The following SMC1A variants were observed in gnomAD, a reference collection of about 807,000 sequenced individuals.
The protein encoded by SMC1A is structural maintenance of chromosomes 1A, also known as structural maintenance of chromosomes protein 1A.
In SMC1A, 4 loss-of-function variants were observed where a neutral mutation model predicts 94.5. The ratio of observed to expected loss-of-function variants is 0.04; its 90% CI spans 0.02 to 0.10. The LOEUF is 0.10. Among genes scored for constraint, SMC1A ranks in the 10% least tolerant of loss-of-function variants. The pLI is 1.00. For synonymous variants in SMC1A, 345 were observed against 347.7 expected (o/e 0.99, Z 0.09); for missense variants, 304 against 989.0 (o/e 0.31, Z 9.29).
chrX:53,411,270 C>T (rs1189554059), intron 7 of SMC1A, among the ~76,000 whole-genome samples: 1 of 111,015 alleles, frequency 9.0e-6, no homozygotes, highest in Non-Finnish European at 1.9e-5. Flanking sequence ...CAGATGTGAG[C>T]TACTGTCATT....
In SMC1A at chrX:53,410,691, T is replaced by C. The variant is rs782060769; in HGVS notation, c.1254+1070A>G. On this transcript the variant is annotated intron_variant, in intron 7 of 24. Transcript: ENST00000322213. Reference sequence around the variant, plus strand: ...GGCTGGTGCCTGTAATCTCAGCTACTTGGGGAGGCTGAGGCAGGAGAATTG... The same window carrying C: ...GGCTGGTGCCTGTAATCTCAGCTACCTGGGGAGGCTGAGGCAGGAGAATTG... Among the ~76,000 whole-genome samples the C allele has an allele frequency of 7.5e-5, 8 of 107,109 alleles. No individual in the cohort carries two copies. In the East Asian group the frequency reaches 1.8e-3, roughly 24 times the overall value. 93.0% of individuals were successfully genotyped at this position (107,109 alleles called of 115,157 possible).
At position 53,399,690 on chromosome X, in the gene SMC1A, A is replaced by G. The variant is rs1198625423; in HGVS notation, c.2461T>C (p.Leu821=). The G allele has an allele frequency of 5.0e-6, 6 of 1,207,415 alleles. No homozygotes were observed. The highest frequency in any genetic ancestry group is 2.3e-4 in the Middle Eastern group (1 of 4,367). ...TTCAGTTGGTTCTTTTCAAAATCCA[A>G]CTGAATGCCCAAGCGAGTCTTCTGA... ...ENQKTRLGIQ[L]DFEKNQLKED... is the part of the protein sequence containing the mutation. Residue 821 remains leucine (L), a synonymous_variant, in exon 16 of 25, where the codon TTG becomes CTG. Coordinates refer to ENST00000322213, the MANE Select transcript of SMC1A (RefSeq NM_006306.4).
At chrX:53,402,101 G>A (rs1321954486) in intron 15 of SMC1A, among the ~76,000 whole-genome samples, 2 of 110,794 alleles carry the variant, frequency 1.8e-5, no homozygotes, top group African/African-American at 6.6e-5. Context: ...GTTTCCCCCA[G>A]TACTCTATAT....
chrX:53,416,580 C>A (rs2075733207), intron 1 of SMC1A, among the ~76,000 whole-genome samples: 1 of 108,820 alleles, frequency 9.2e-6, no homozygotes, highest in East Asian at 2.9e-4. Flanking sequence ...TTAGTAGAGA[C>A]AGGGTTTCAC....
At chrX:53,392,306 C>T (rs781945431) in intron 19 of SMC1A, among the ~76,000 whole-genome samples, 3 of 108,043 alleles carry the variant, frequency 2.8e-5, no homozygotes, top group Non-Finnish European at 3.8e-5. Flanking sequence ...GAAGGAGAAT[C>T]GAGTGAACCT....
intron 13 of SMC1A, among the ~76,000 whole-genome samples, chrX:53,404,697 C>T (rs782616205): frequency 1.2e-3 from 135 of 111,375 alleles, no homozygotes; most frequent in African/African-American, 4.2e-3. Flanking sequence ...TTTGGCCAGG[C>T]TGGTCTCCAA....
chrX:53,382,407 G>C, intron 21 of SMC1A, 24 bp from the exon 22 acceptor site: 1 of 1,201,037 alleles, frequency 8.3e-7, no homozygotes, highest in Non-Finnish European at 1.1e-6. Flanking sequence ...GATGGGTCAG[G>C]ATCTGTATCT....
At chrX:53,398,183 C>A (rs1351414845) in intron 16 of SMC1A, among the ~76,000 whole-genome samples, 170 of 58,085 alleles carry the variant, frequency 2.9e-3, no homozygotes, top group African/African-American at 3.8e-3. Flanking sequence ...AACTGAGTCT[C>A]AAAAAAAAAA....
chrX:53,383,071 G>T, intron 20 of SMC1A, 26 bp downstream of exon 20: 1 of 1,200,732 alleles, frequency 8.3e-7, no homozygotes, highest in Non-Finnish European at 1.1e-6. Context: ...CCTCATCGTA[G>T]GCCCAAGTAG....
rs587784414 is a variant in SMC1A at position 53,414,994 on chromosome X, G to C, written c.285C>G (p.Ala95=). 1.7e-6 allele frequency: 2 copies of C among 1,208,994 alleles called. No homozygotes were observed. The highest frequency in any genetic ancestry group is 2.2e-6 in the Non-Finnish European group (2 of 894,961). The change falls in exon 2 of 25, where the codon GCC becomes GCG. Residue 95 remains alanine (A), a synonymous_variant. Transcript: ENST00000322213. ...SEEGAEDRTF[A]RVIVGGSSEY... Reference sequence around the variant, plus strand: ...AGCCTCACCCACCTACAATGACACGGGCAAAGGTACGGTCCTCAGCACCCT... The same window carrying C: ...AGCCTCACCCACCTACAATGACACGCGCAAAGGTACGGTCCTCAGCACCCT...
At chrX:53,401,282 C>T (rs1259194938) in intron 15 of SMC1A, among the ~76,000 whole-genome samples, 3 of 111,766 alleles carry the variant, frequency 2.7e-5, no homozygotes, top group Non-Finnish European at 5.6e-5. Flanking sequence ...TCACCACTGC[C>T]TGGGCAAGAC....
intron 19 of SMC1A, among the ~76,000 whole-genome samples, chrX:53,389,675 A>G (rs2075619454): frequency 9.1e-6 from 1 of 109,463 alleles, no homozygotes; most frequent in Non-Finnish European, 1.9e-5. Context: ...GGTTGCAGAG[A>G]GCTGAGATTG....
At chrX:53,399,156 T>C (rs782750807) in intron 16 of SMC1A, among the ~76,000 whole-genome samples, 1 of 111,123 alleles carries the variant, frequency 9.0e-6, no homozygotes, top group East Asian at 2.8e-4. Flanking sequence ...GAGAATGGCA[T>C]GAACCCGGGA....
At chrX:53,402,566 A>G (rs1384103579) in intron 15 of SMC1A, among the ~76,000 whole-genome samples, 24 of 106,775 alleles carry the variant, frequency 2.2e-4, no homozygotes, top group Non-Finnish European at 4.0e-4. Context: ...AAAAAAAAAA[A>G]AGCCAGGCGG....
intron 19 of SMC1A, among the ~76,000 whole-genome samples, chrX:53,392,389 C>CA (rs1347995937): frequency 0.013 from 1,137 of 86,669 alleles, 14 homozygotes; most frequent in African/African-American, 0.04. Flanking sequence ...GAGACTGTCT[C>CA]AAAAAAAAAA....
intron 15 of SMC1A, 28 bp from the exon 16 acceptor site, chrX:53,399,758 C>T (rs2075664600): frequency 1.7e-6 from 2 of 1,185,566 alleles, no homozygotes; most frequent in African/African-American, 1.7e-5. Flanking sequence ...GGGAGAATCA[C>T]TCATAATCTC....
intron 22 of SMC1A, 65 bp downstream of exon 22, chrX:53,382,167 G>A: frequency 8.8e-7 from 1 of 1,136,132 alleles, no homozygotes; most frequent in Non-Finnish European, 1.2e-6. Context: ...GTATCCTTGG[G>A]CCCCAGAGCC....
rs781999328 is a variant in SMC1A, at chrX:53,422,538, G to A, written c.63C>T (p.Ile21=). The change falls in exon 1 of 25, where the codon ATC becomes ATT. Residue 21 remains isoleucine, a synonymous_variant. Coordinates refer to ENST00000322213, the MANE Select transcript of SMC1A (RefSeq NM_006306.4). ...TGGCGGTGAACCTCTGAAATGGTCC[G>A]ATAATCTGTCGACCCTTGTACGACT... ...NFKSYKGRQI[I]GPFQRFTAII... 3.3e-6 allele frequency: 4 copies of A among 1,206,439 alleles called. No homozygotes were observed. Among genetic ancestry groups the A allele is most frequent in the East Asian group, 5.9e-5 (2 of 33,730 alleles).
rs199571320 is a variant in SMC1A at position 53,413,268 on chromosome X, C to T, written c.579G>A (p.Ala193=). 4.9e-5 allele frequency: 59 copies of T among 1,209,780 alleles called. No homozygotes were observed. The East Asian group carries it at 1.5e-3, about 31-fold the overall frequency. ...QFNYHRKKNI[A]AERKEAKQEK... ...CCTGCTTTGCTTCCTTGCGTTCAGC[C>T]GCAATATTTTTCTTGCGATGGTAAT... The change falls in exon 4 of 25, where the codon GCG becomes GCA. Residue 193 remains alanine, a synonymous_variant. Coordinates refer to ENST00000322213, the MANE Select transcript of SMC1A (RefSeq NM_006306.4).
Sources: allele counts gnomAD v4.1 joint callset (sites outside exome capture counted in the v4.1 genomes callset), GRCh38; gene constraint gnomAD v4.1.1; transcripts MANE v1.5; gene names NCBI Gene and HGNC (gene_info 2026-07-23, HGNC 2026-07-21).